Variants in WWOX observed in about 807,000 individuals in gnomAD.
WWOX encodes the protein WW domain-containing oxidoreductase.
In WWOX, 69 loss-of-function variants were observed where a neutral mutation model predicts 46.2. The ratio of observed to expected loss-of-function variants is 1.49; its 90% CI spans 1.23 to 1.82. The LOEUF is 1.82. Ranked by LOEUF, WWOX falls within the 40% of genes most tolerant of loss-of-function variation. The pLI is 0.00. For missense variants in WWOX, 919 were observed against 542.6 expected (o/e 1.69, Z -6.89); for synonymous variants, 359 against 202.6 (o/e 1.77, Z -6.56).
At chr16:78,656,626 C>A (rs1369573082) in intron 8 of WWOX, among the ~76,000 whole-genome samples, 1 of 152,094 alleles carries the variant, frequency 6.6e-6, no homozygotes, top group African/African-American at 2.4e-5. Flanking sequence ...CCCTCTGATC[C>A]AACCACCTCC....
At chr16:79,047,883 A>C (rs2048095459) in intron 8 of WWOX, among the ~76,000 whole-genome samples, 2 of 151,308 alleles carry the variant, frequency 1.3e-5, no homozygotes, top group Non-Finnish European at 2.9e-5. Flanking sequence ...TCATTGATTC[A>C]GATTCACAGA....
At chr16:78,768,440 A>C (rs377060495) in intron 8 of WWOX, among the ~76,000 whole-genome samples, 3 of 152,042 alleles carry the variant, frequency 2.0e-5, no homozygotes, top group Non-Finnish European at 2.9e-5. Flanking sequence ...AAATACAACA[A>C]TTAGCCAGGT....
chr16:78,270,756 A>G (rs938250127), intron 5 of WWOX, among the ~76,000 whole-genome samples: 1 of 152,186 alleles, frequency 6.6e-6, no homozygotes, highest in South Asian at 2.1e-4. Context: ...AAAGGTAGGA[A>G]TGAACCAATT....
chr16:79,066,139 A>G (rs2048436821), intron 8 of WWOX, among the ~76,000 whole-genome samples: 1 of 151,920 alleles, frequency 6.6e-6, no homozygotes, highest in African/African-American at 2.4e-5. Flanking sequence ...GAACCTTTTC[A>G]TCTACTAATC....
chr16:78,889,940 G>C (rs974867828), intron 8 of WWOX, among the ~76,000 whole-genome samples: 1 of 152,064 alleles, frequency 6.6e-6, no homozygotes, highest in African/African-American at 2.4e-5. Context: ...TATTAAATTA[G>C]ATGTGTACCA....
chr16:78,393,903 T>C (rs1343683965), intron 6 of WWOX, among the ~76,000 whole-genome samples: 1 of 152,130 alleles, frequency 6.6e-6, no homozygotes, highest in Non-Finnish European at 1.5e-5. Flanking sequence ...TTCTTAAACA[T>C]ATGGGAGGAA....
intron 5 of WWOX, among the ~76,000 whole-genome samples, chr16:78,193,476 C>G (rs1261992753): frequency 3.1e-5 from 1 of 32,146 alleles, no homozygotes; most frequent in Non-Finnish European, 6.4e-5. Context: ...TTCTGAGAAT[C>G]AAACCGGTGG....
chr16:78,856,737 G>C (rs1351927418), intron 8 of WWOX, among the ~76,000 whole-genome samples: 1 of 152,150 alleles, frequency 6.6e-6, no homozygotes, highest in Non-Finnish European at 1.5e-5. Context: ...TTATGAAATA[G>C]AAATATACAT....
At chr16:78,997,939 C>T (rs143310221) in intron 8 of WWOX, among the ~76,000 whole-genome samples, 9 of 152,168 alleles carry the variant, frequency 5.9e-5, no homozygotes, top group Middle Eastern at 3.4e-3. Context: ...TACAATGGCG[C>T]GATCTCAGCT....
At chr16:78,465,532 A>G (rs1597123389) in intron 8 of WWOX, among the ~76,000 whole-genome samples, 1 of 152,200 alleles carries the variant, frequency 6.6e-6, no homozygotes, top group East Asian at 1.9e-4. Context: ...CCACAAGTTA[A>G]AATGTTGGGC....
intron 4 of WWOX, 130 bp from the exon 5 acceptor site, chr16:78,164,053 C>A: frequency 3.6e-6 from 3 of 843,724 alleles, no homozygotes; most frequent in Non-Finnish European, 6.0e-6. Context: ...TGCTTCTGTC[C>A]CCTGGGGATC....
intron 8 of WWOX, among the ~76,000 whole-genome samples, chr16:78,863,445 T>C (rs1390716314): frequency 6.6e-6 from 1 of 152,232 alleles, no homozygotes; most frequent in African/African-American, 2.4e-5. Context: ...ATTCCATTTG[T>C]ACCTGGGAAG....
At chr16:78,572,458 G>C (rs1293389539) in intron 8 of WWOX, among the ~76,000 whole-genome samples, 1 of 151,862 alleles carries the variant, frequency 6.6e-6, no homozygotes, top group Non-Finnish European at 1.5e-5. Context: ...AGCCAGTGTG[G>C]TATCATGTGT....
chr16:78,916,244 A>T (rs1376915883), intron 8 of WWOX, among the ~76,000 whole-genome samples: 1 of 152,234 alleles, frequency 6.6e-6, no homozygotes, highest in East Asian at 1.9e-4. Flanking sequence ...TTTGCCGGCC[A>T]GGAAGTTTTA....
intron 8 of WWOX, among the ~76,000 whole-genome samples, chr16:79,207,621 A>C (rs2051561449): frequency 2.0e-5 from 3 of 152,192 alleles, no homozygotes; most frequent in Admixed American, 6.5e-5. Context: ...TATTTTTTAT[A>C]TATCTCATAG....
At chr16:78,716,150 G>C (rs954814913) in intron 8 of WWOX, among the ~76,000 whole-genome samples, 26 of 152,096 alleles carry the variant, frequency 1.7e-4, no homozygotes, top group African/African-American at 5.3e-4. Flanking sequence ...GGGAATTTTG[G>C]GCACAGAGAC....
At chr16:78,850,938 A>C (rs912465394) in intron 8 of WWOX, among the ~76,000 whole-genome samples, 1 of 152,340 alleles carries the variant, frequency 6.6e-6, no homozygotes, top group Non-Finnish European at 1.5e-5. Context: ...TCGGGATGGC[A>C]GTCGGGAGTG....
intron 5 of WWOX, among the ~76,000 whole-genome samples, chr16:78,296,569 C>T (rs77040436): frequency 6.6e-6 from 1 of 151,296 alleles, no homozygotes; most frequent in Non-Finnish European, 1.5e-5. Flanking sequence ...TGTATATCAA[C>T]TTCAAGACAT....
intron 8 of WWOX, among the ~76,000 whole-genome samples, chr16:79,123,505 T>C (rs948493887): frequency 6.6e-6 from 1 of 152,122 alleles, no homozygotes; most frequent in Non-Finnish European, 1.5e-5. Context: ...CACCAGTTCA[T>C]TCATCCTCAT....
Sources: gnomAD v4.1 joint callset for allele counts (sites outside exome capture counted in the v4.1 genomes callset) on GRCh38, gnomAD v4.1.1 for gene constraint, MANE v1.5 for transcripts, NCBI Gene and HGNC (gene_info 2026-07-23, HGNC 2026-07-21) for gene names.